The following TNFAIP8 variants were observed in gnomAD, a reference collection of about 807,000 sequenced individuals.
TNFAIP8 encodes TNF alpha induced protein 8.
Under a neutral mutation model 13.3 loss-of-function variants are expected in TNFAIP8, and 7 were observed. The ratio of observed to expected loss-of-function variants is 0.52; its 90% CI spans 0.30 to 0.99. The LOEUF (loss-of-function observed/expected upper bound fraction) is 0.99, where lower values mean the gene tolerates loss of function less well. Ranked by LOEUF, TNFAIP8 falls within the 50% of genes least tolerant of loss-of-function variation. The pLI is 0.07. For missense variants in TNFAIP8, 258 were observed against 236.9 expected, an observed-to-expected ratio of 1.09 and a Z score of -0.58; for synonymous variants, 94 against 87.6, an observed-to-expected ratio of 1.07 and a Z score of -0.41.
rs563410700 is a variant in TNFAIP8, at chr5:119,274,029, G to GT, written c.1+5128dup. ...TTTATCATTTGTTTAACAAAATGAGGTTTTTTGTTTGTTTGTTTGTTTGGT... is the reference window on the plus strand; with the variant it reads ...TTTATCATTTGTTTAACAAAATGAGGTTTTTTTGTTTGTTTGTTTGTTTGGT... On this transcript the variant is annotated intron_variant, in intron 1 of 1. Coordinates refer to the TNFAIP8 transcript ENST00000274456. Among the ~76,000 whole-genome samples, 39 of 152,138 alleles carry GT rather than the reference G, an allele frequency of 2.6e-4. No homozygotes were observed. In the East Asian group the frequency reaches 6.6e-3, roughly 26 times the overall value.
intron 1 of TNFAIP8, among the ~76,000 whole-genome samples, chr5:119,340,642 T>A (rs189599729): frequency 2.1e-3 from 325 of 151,946 alleles, no homozygotes; most frequent in Non-Finnish European, 1.0e-3. Flanking sequence ...CTGGGCAGGG[T>A]GTGGCAGGAA....
intron 1 of TNFAIP8, among the ~76,000 whole-genome samples, chr5:119,389,021 T>C (rs1033318485): frequency 1.3e-5 from 2 of 152,092 alleles, no homozygotes; most frequent in Non-Finnish European, 2.9e-5. Flanking sequence ...TAGGCTGCTG[T>C]CCGTGGAGAT....
intron 1 of TNFAIP8, among the ~76,000 whole-genome samples, chr5:119,361,450 G>A (rs898222692): frequency 1.3e-5 from 2 of 152,150 alleles, no homozygotes; most frequent in Admixed American, 1.3e-4. Context: ...TTTTGAAGAT[G>A]GGGGAGGGGA....
chr5:119,314,541 T>G (rs1461210420), intron 1 of TNFAIP8, among the ~76,000 whole-genome samples: 1 of 152,220 alleles, frequency 6.6e-6, no homozygotes, highest in Non-Finnish European at 1.5e-5. Context: ...CACAAACTTT[T>G]CTTCTAACCT....
intron 1 of TNFAIP8, among the ~76,000 whole-genome samples, chr5:119,292,942 C>A (rs1749043921): frequency 6.6e-6 from 1 of 151,492 alleles, no homozygotes; most frequent in African/African-American, 2.4e-5. Context: ...ATGAAATGTT[C>A]TTCTTCTTTT....
chr5:119,327,928 T>C (rs1053641844), intron 1 of TNFAIP8, among the ~76,000 whole-genome samples: 1 of 152,144 alleles, frequency 6.6e-6, no homozygotes, highest in Non-Finnish European at 1.5e-5. Flanking sequence ...TGTTACATTA[T>C]AATACATGAG....
intron 1 of TNFAIP8, among the ~76,000 whole-genome samples, chr5:119,297,037 C>A (rs1581581014): frequency 1.3e-5 from 2 of 152,210 alleles, no homozygotes; most frequent in South Asian, 2.1e-4. Context: ...ATTAGTCTTG[C>A]TAGCAGTCTA....
chr5:119,349,589 T>C (rs1218706424), intron 1 of TNFAIP8, among the ~76,000 whole-genome samples: 1 of 152,246 alleles, frequency 6.6e-6, no homozygotes, highest in East Asian at 1.9e-4. Context: ...TTCTTTTCCT[T>C]GCTCCTGGCA....
At chr5:119,352,423 G>GA (rs75767453), upstream of TNFAIP8, among the ~76,000 whole-genome samples, 18,496 of 151,124 alleles carry the variant, frequency 0.12, 1,492 homozygotes, top group East Asian at 0.39. Context: ...CAGCAGGTTA[G>GA]AAAAAAAAAT....
chr5:119,331,601 C>T (rs756625945), intron 1 of TNFAIP8, among the ~76,000 whole-genome samples: 1 of 152,182 alleles, frequency 6.6e-6, no homozygotes, highest in Non-Finnish European at 1.5e-5. Flanking sequence ...TCTGCCCTTG[C>T]CTGGTGTTGG....
At chr5:119,312,617 A>G (rs1581595740) in intron 1 of TNFAIP8, among the ~76,000 whole-genome samples, 1 of 151,772 alleles carries the variant, frequency 6.6e-6, no homozygotes, top group Non-Finnish European at 1.5e-5. Flanking sequence ...ATAAGAATGT[A>G]GCTGGGCTCG....
chr5:119,393,073 G>A lies in TNFAIP8; in HGVS notation c.289G>A (p.Ala97Thr). 6.2e-7 allele frequency: 1 copy of A among 1,613,876 alleles called. No individual in the cohort carries two copies. The highest frequency in any genetic ancestry group is 8.5e-7 in the Non-Finnish European group (1 of 1,179,830). ...TAATCAGTTTAATCAAGATGAGCTA[G>A]CATTGATGGAGAAATTTAAGAAGAA... ...RNNQFNQDEL[A>T]LMEKFKKKVH... Residue 97 changes from alanine to threonine, a missense_variant, in exon 2 of 2, where the codon GCA becomes ACA. Physicochemically the swap from Ala to Thr is moderately conservative, Grantham distance 58. Transcript: ENST00000504771.
At position 119,393,051 on chromosome 5, in the gene TNFAIP8, T is replaced by A; in HGVS notation, c.267T>A (p.Asn89Lys). ...VIKLAILYRNNQFNQDELALM... is the reference protein window; with the variant it reads ...VIKLAILYRNKQFNQDELALM... ...AGCTGGCCATTCTTTATAGGAATAA[T>A]CAGTTTAATCAAGATGAGCTAGCAT... The change falls in exon 2 of 2, where the codon AAT becomes AAA. Residue 89 changes from asparagine to lysine, a missense_variant. Asn to Lys is a moderately conservative substitution (Grantham distance 94). Transcript: ENST00000504771. 1 of 1,613,746 alleles carries A rather than the reference T, an allele frequency of 6.2e-7. No individual in the cohort carries two copies. Among genetic ancestry groups the A allele is most frequent in the Non-Finnish European group, 8.5e-7 (1 of 1,179,790 alleles).
chr5:119,386,086 C>A (rs1055043804), intron 1 of TNFAIP8, among the ~76,000 whole-genome samples: 1 of 151,920 alleles, frequency 6.6e-6, no homozygotes, highest in Non-Finnish European at 1.5e-5. Flanking sequence ...AAATAAGTTG[C>A]CACAGAAAAA....
intron 1 of TNFAIP8, among the ~76,000 whole-genome samples, chr5:119,359,894 G>A (rs201653244): frequency 6.6e-5 from 10 of 152,182 alleles, no homozygotes; most frequent in East Asian, 1.9e-4. Context: ...GGACTTTGAC[G>A]TGCTTATCTG....
intron 1 of TNFAIP8, among the ~76,000 whole-genome samples, chr5:119,321,491 C>G (rs1750054769): frequency 6.6e-6 from 1 of 152,144 alleles, no homozygotes; most frequent in African/African-American, 2.4e-5. Flanking sequence ...TACATTTCCA[C>G]TAGAAATAGG....
In TNFAIP8 at chr5:119,300,680, A is replaced by C. The variant is rs78311595; in HGVS notation, c.1+31773A>C. On this transcript the variant is annotated intron_variant, in intron 1 of 1. Coordinates refer to the TNFAIP8 transcript ENST00000274456. ...CAATGAGGAGGGTTGAGGCACAGAG[A>C]AACTGAATAACTTGCCTGAGATCCA... Among the ~76,000 whole-genome samples the C allele has an allele frequency of 8.5e-3, 1,290 of 152,266 alleles. 20 individuals are homozygous for C. Among genetic ancestry groups the C allele is most frequent in the South Asian group, 0.05 (240 of 4,822 alleles).
At chr5:119,372,635 T>C (rs930906020) in intron 1 of TNFAIP8, among the ~76,000 whole-genome samples, 1 of 152,176 alleles carries the variant, frequency 6.6e-6, no homozygotes, top group African/African-American at 2.4e-5. Flanking sequence ...AAGTTGACCA[T>C]CATAAATTGT....
chr5:119,362,361 C>T (rs1459954417), intron 1 of TNFAIP8, among the ~76,000 whole-genome samples: 1 of 152,188 alleles, frequency 6.6e-6, no homozygotes, highest in Admixed American at 6.5e-5. Flanking sequence ...AGAAGCTGGA[C>T]TTTCCCAGGG....
Sources: allele counts gnomAD v4.1 joint callset (sites outside exome capture counted in the v4.1 genomes callset), GRCh38; gene constraint gnomAD v4.1.1; transcripts MANE v1.5; gene names NCBI Gene and HGNC (gene_info 2026-07-23, HGNC 2026-07-21).